ARHGEF4: variants seen among roughly 807,000 people sequenced by gnomAD.
ARHGEF4 encodes the protein APC-stimulated guanine nucleotide exchange factor 1.
ARHGEF4 carries 119 observed loss-of-function variants against 162.0 expected under a neutral mutation model. The ratio of observed to expected loss-of-function variants is 0.73; its 90% CI spans 0.63 to 0.86. The LOEUF is 0.86. ARHGEF4 is among the 40% of genes least tolerant of loss of function. The pLI is 0.00. For synonymous variants in ARHGEF4, 1,014 were observed against 979.9 expected (o/e 1.03, Z -0.65); for missense variants, 2,488 against 2,456.0 (o/e 1.01, Z -0.28).
chr2:130,881,759 G>A (rs1328589788), intron 1 of ARHGEF4, among the ~76,000 whole-genome samples: 1 of 152,120 alleles, frequency 6.6e-6, no homozygotes, highest in South Asian at 2.1e-4. Flanking sequence ...GCGAGATGGC[G>A]ATCCAGAGCA....
At chr2:130,981,184 T>C (rs1265691216) in intron 4 of ARHGEF4, among the ~76,000 whole-genome samples, 2 of 152,176 alleles carry the variant, frequency 1.3e-5, no homozygotes, top group Non-Finnish European at 2.9e-5. Flanking sequence ...GCTCCATCCA[T>C]TCCTGAAGAC....
intron 3 of ARHGEF4, among the ~76,000 whole-genome samples, chr2:130,943,502 T>C (rs1213643973): frequency 6.6e-6 from 1 of 152,204 alleles, no homozygotes; most frequent in Non-Finnish European, 1.5e-5. Flanking sequence ...TTTTCTGTTC[T>C]CTGATTTGCA....
chr2:130,987,800 TG>T, intron 4 of ARHGEF4, among the ~76,000 whole-genome samples: 1 of 152,254 alleles, frequency 6.6e-6, no homozygotes, highest in Non-Finnish European at 1.5e-5. Context: ...AAAAATAATG[TG>T]AATGTAGTGA....
Position 130,999,364 on chromosome 2 carries a change from G to C in ARHGEF4, c.3986-28581G>C, listed in dbSNP as rs551146417. On this transcript the variant is annotated intron_variant, in intron 4 of 13. Coordinates refer to ENST00000409359, the MANE Select transcript of ARHGEF4 (RefSeq NM_001367493.1). ...GTAGAGACGGGGTTTTACCATGTTA[G>C]CCAGGATGGTCTCGATCTCCTGACC... Among the ~76,000 whole-genome samples, 139 of 152,054 alleles carry C rather than the reference G, an allele frequency of 9.1e-4. 1 individual carries two copies. The highest frequency in any genetic ancestry group is 3.3e-3 in the African/African-American group (136 of 41,474).
At chr2:130,860,650 CGGTGAGCCG>C (rs1310422145) in intron 1 of ARHGEF4, among the ~76,000 whole-genome samples, 13 of 118,948 alleles carry the variant, frequency 1.1e-4, no homozygotes, top group Non-Finnish European at 1.4e-4. Context: ...GCGAAGCTTG[CGGTGAGCCG>C]AGATCGCGTC....
chr2:131,035,372 C>T (rs2105389058), intron 5 of ARHGEF4: 2 of 986,126 alleles, frequency 2.0e-6, no homozygotes, highest in Non-Finnish European at 2.6e-6. Flanking sequence ...CCTTCCACCC[C>T]ATGTGCTCAC....
At chr2:130,945,109 G>C (rs2105145017) in intron 3 of ARHGEF4, among the ~76,000 whole-genome samples, 1 of 152,068 alleles carries the variant, frequency 6.6e-6, no homozygotes, top group African/African-American at 2.4e-5. Context: ...TGCTGTTCAG[G>C]GTCAGATCCA....
chr2:130,962,172 T>C (rs974092403), intron 4 of ARHGEF4, among the ~76,000 whole-genome samples: 1 of 150,142 alleles, frequency 6.7e-6, no homozygotes, highest in African/African-American at 2.5e-5. Context: ...CAGCGAGTCG[T>C]AGGTTGCAGT....
At chr2:130,964,092 C>T (rs1216066242) in intron 4 of ARHGEF4, 3 of 859,398 alleles carry the variant, frequency 3.5e-6, no homozygotes, top group Non-Finnish European at 4.2e-6. Context: ...AGACGAGTGG[C>T]GATCTCGGCA....
At position 130,892,663 on chromosome 2, in the gene ARHGEF4, G is replaced by C. The variant is rs192527793; in HGVS notation, c.40-21323G>C. 1.5e-3 allele frequency among the ~76,000 whole-genome samples: 233 copies of C among 152,294 alleles called. 1 individual carries two copies. Among genetic ancestry groups the C allele is most frequent in the African/African-American group, 5.3e-3 (220 of 41,562 alleles). ...ACTGGCAGGCTGAGGACTACAGCCA[G>C]GGTGGAGCCCACAGCCAGGGTGGAG... On this transcript the variant is annotated intron_variant, in intron 1 of 13. Coordinates refer to ENST00000409359, the MANE Select transcript of ARHGEF4 (RefSeq NM_001367493.1).
At chr2:131,015,201 C>G (rs144791189) in intron 4 of ARHGEF4, among the ~76,000 whole-genome samples, 1 of 152,330 alleles carries the variant, frequency 6.6e-6, no homozygotes, top group East Asian at 1.9e-4. Context: ...AGACGCAGGT[C>G]TCTGCAGCAG....
chr2:130,855,262 A>G (rs1681697131), intron 1 of ARHGEF4, among the ~76,000 whole-genome samples: 1 of 151,954 alleles, frequency 6.6e-6, no homozygotes, highest in South Asian at 2.1e-4. Context: ...AGTGGGGAGC[A>G]ACTAAGAGGA....
intron 4 of ARHGEF4, among the ~76,000 whole-genome samples, chr2:130,999,187 C>T (rs372524740): frequency 5.6e-4 from 78 of 139,214 alleles, no homozygotes; most frequent in African/African-American, 1.5e-3. Context: ...GAGACGGAGT[C>T]TCGCTCTGTT....
Position 130,916,371 on chromosome 2 carries a change from G to T in ARHGEF4, c.2425G>T (p.Glu809Ter). ...CAGGAAGGGCAGGCCCTTGGCCACTGAGAGCCCAGGAGGGGTCCCGGCCCC... is the reference window on the plus strand; with the variant it reads ...CAGGAAGGGCAGGCCCTTGGCCACTTAGAGCCCAGGAGGGGTCCCGGCCCC... ...SFRKGRPLAT[E>*]SPGGVPAPTT... is the part of the protein sequence containing the mutation. The change falls in exon 2 of 14, where the codon GAG becomes TAG. Residue 809 changes from glutamate to a stop codon, truncating the protein, a stop_gained. Coordinates refer to ENST00000409359, the MANE Select transcript of ARHGEF4 (RefSeq NM_001367493.1). LOFTEE classifies it high-confidence loss of function. 6.5e-7 allele frequency: 1 copy of T among 1,534,768 alleles called. No individual in the cohort carries two copies.
chr2:131,036,643 G>A (rs1187808140), intron 5 of ARHGEF4, among the ~76,000 whole-genome samples: 1 of 152,178 alleles, frequency 6.6e-6, no homozygotes, highest in African/African-American at 2.4e-5. Context: ...GGGGAATGGG[G>A]GCACCAGGCT....
intron 4 of ARHGEF4, among the ~76,000 whole-genome samples, chr2:131,019,841 A>G (rs539713578): frequency 3.3e-5 from 5 of 152,076 alleles, no homozygotes; most frequent in East Asian, 1.9e-4. Flanking sequence ...TCACTGTGTT[A>G]GCCAGGATGG....
chr2:130,975,231 TTGTG>T (rs1476408414), intron 4 of ARHGEF4, among the ~76,000 whole-genome samples: 1 of 152,202 alleles, frequency 6.6e-6, no homozygotes, highest in Non-Finnish European at 1.5e-5. Context: ...AAGGAGCTAA[TTGTG>T]TGAATCATTT....
chr2:130,846,511 CG>C (rs962167807), intron 1 of ARHGEF4, among the ~76,000 whole-genome samples: 3 of 152,126 alleles, frequency 2.0e-5, no homozygotes, highest in African/African-American at 7.2e-5. Flanking sequence ...AACCTGCCTG[CG>C]GGGGCTGTGA....
intron 4 of ARHGEF4, among the ~76,000 whole-genome samples, chr2:131,010,681 C>G (rs1303357089): frequency 6.6e-6 from 1 of 152,140 alleles, no homozygotes; most frequent in African/African-American, 2.4e-5. Context: ...TTAGATTGGT[C>G]AGGAGCCCAC....
Sources: gnomAD v4.1 joint callset for allele counts (sites outside exome capture counted in the v4.1 genomes callset) on GRCh38, gnomAD v4.1.1 for gene constraint, MANE v1.5 for transcripts, NCBI Gene and HGNC (gene_info 2026-07-23, HGNC 2026-07-21) for gene names.